The following CSMD1 variants were observed in gnomAD, a reference collection of about 807,000 sequenced individuals.
CSMD1 encodes CUB and sushi domain-containing protein 1.
CSMD1 carries 213 observed loss-of-function variants against 417.5 expected under a neutral mutation model. That is an observed-to-expected ratio of 0.51 (90% CI 0.46 to 0.57). CSMD1 has a LOEUF of 0.57. CSMD1 is among the 20% of genes least tolerant of loss of function. The pLI, the probability that CSMD1 is intolerant of heterozygous loss-of-function variation, is 0.00. For synonymous variants in CSMD1, 2,862 were observed against 1,736.8 expected, an observed-to-expected ratio of 1.65 and a Z score of -16.11; for missense variants, 6,923 against 4,529.7, an observed-to-expected ratio of 1.53 and a Z score of -15.17.
chr8:4,453,462 G>A (rs899667347), intron 2 of CSMD1, among the ~76,000 whole-genome samples: 2 of 152,184 alleles, frequency 1.3e-5, no homozygotes, highest in Non-Finnish European at 2.9e-5. Context: ...AGCAAGAACG[G>A]TGATGCGAAG....
intron 2 of CSMD1, among the ~76,000 whole-genome samples, chr8:4,571,958 G>C (rs752353008): frequency 6.6e-6 from 1 of 152,008 alleles, no homozygotes; most frequent in African/African-American, 2.4e-5. Flanking sequence ...CTTATTTTTT[G>C]CTTTCCATTT....
chr8:4,291,324 T>C (rs1379755041), intron 3 of CSMD1, among the ~76,000 whole-genome samples: 1 of 152,146 alleles, frequency 6.6e-6, no homozygotes, highest in African/African-American at 2.4e-5. Context: ...ATAATGATCA[T>C]AATACTTTCC....
At chr8:3,700,087 G>A (rs374258203) in intron 7 of CSMD1, among the ~76,000 whole-genome samples, 1 of 152,064 alleles carries the variant, frequency 6.6e-6, no homozygotes, top group Admixed American at 6.6e-5. Context: ...ATGATACAAA[G>A]GGCTCTGTGG....
chr8:4,418,118 AC>A (rs1479925350), intron 3 of CSMD1, among the ~76,000 whole-genome samples: 6 of 151,998 alleles, frequency 3.9e-5, no homozygotes, highest in Non-Finnish European at 5.9e-5. Context: ...CCAACAAAGC[AC>A]CTTTTTGACA....
At chr8:2,992,751 A>G (rs1806508214) in intron 54 of CSMD1, among the ~76,000 whole-genome samples, 1 of 149,394 alleles carries the variant, frequency 6.7e-6, no homozygotes, top group Non-Finnish European at 1.5e-5. Flanking sequence ...ATGCCATCTG[A>G]TTTTCTTTTG....
chr8:4,508,885 C>G (rs1802675147), intron 2 of CSMD1, among the ~76,000 whole-genome samples: 1 of 151,806 alleles, frequency 6.6e-6, no homozygotes, highest in Non-Finnish European at 1.5e-5. Context: ...GCATTTCTTC[C>G]TAGAGGAAAA....
chr8:4,435,746 G>A (rs890690022), intron 2 of CSMD1, among the ~76,000 whole-genome samples: 1 of 152,100 alleles, frequency 6.6e-6, no homozygotes, highest in Non-Finnish European at 1.5e-5. Context: ...TTGGCCATGT[G>A]GCTACAATAA....
At chr8:3,934,345 G>T (rs552526235) in intron 5 of CSMD1, among the ~76,000 whole-genome samples, 1 of 152,134 alleles carries the variant, frequency 6.6e-6, no homozygotes, top group South Asian at 2.1e-4. Context: ...CGTACAAAAA[G>T]AGGAGAAAAA....
At chr8:4,239,908 A>C (rs1802289113) in intron 3 of CSMD1, among the ~76,000 whole-genome samples, 2 of 152,232 alleles carry the variant, frequency 1.3e-5, no homozygotes, top group South Asian at 4.1e-4. Flanking sequence ...TTGCATAAGT[A>C]AAATAGAGTT....
chr8:4,811,942 G>C, intron 1 of CSMD1, among the ~76,000 whole-genome samples: 1 of 152,036 alleles, frequency 6.6e-6, no homozygotes, highest in East Asian at 1.9e-4. Context: ...AGGCGCATTA[G>C]AATAAGTCAT....
At chr8:3,056,540 T>G (rs926661100) in intron 49 of CSMD1, among the ~76,000 whole-genome samples, 3 of 151,960 alleles carry the variant, frequency 2.0e-5, no homozygotes, top group African/African-American at 7.3e-5. Context: ...GGCTATTTTT[T>G]GTATTTTTTT....
chr8:4,850,762 C>G (rs1239721220), intron 1 of CSMD1, among the ~76,000 whole-genome samples: 2 of 152,022 alleles, frequency 1.3e-5, no homozygotes, highest in Non-Finnish European at 2.9e-5. Flanking sequence ...AATTTTCTTT[C>G]AACCCCAAAC....
chr8:3,460,210 C>A (rs539207495), intron 12 of CSMD1, among the ~76,000 whole-genome samples: 1 of 151,898 alleles, frequency 6.6e-6, no homozygotes, highest in African/African-American at 2.4e-5. Context: ...TGAGATGAGA[C>A]GGGAAGATCA....
At chr8:4,210,371 A>C (rs1315183511) in intron 3 of CSMD1, among the ~76,000 whole-genome samples, 1 of 152,210 alleles carries the variant, frequency 6.6e-6, no homozygotes, top group African/African-American at 2.4e-5. Flanking sequence ...GAGACATTCA[A>C]ATCCAACTTT....
intron 12 of CSMD1, among the ~76,000 whole-genome samples, chr8:3,442,388 C>T (rs1815041154): frequency 6.6e-6 from 1 of 152,190 alleles, no homozygotes; most frequent in Non-Finnish European, 1.5e-5. Context: ...AGAACAACTT[C>T]CCATCCTGCA....
chr8:3,593,742 T>C (rs1257224417), intron 8 of CSMD1, among the ~76,000 whole-genome samples: 1 of 152,216 alleles, frequency 6.6e-6, no homozygotes, highest in Non-Finnish European at 1.5e-5. Flanking sequence ...TTCAACTTCA[T>C]ATATCCATTT....
rs575209327 is a variant in CSMD1 at position 4,041,724 on chromosome 8, G to C, written c.416-9625C>G. 3.9e-5 allele frequency among the ~76,000 whole-genome samples: 6 copies of C among 152,194 alleles called. No individual in the cohort carries two copies. In the East Asian group the frequency reaches 1.2e-3, roughly 29 times the overall value. Reference sequence around the variant, plus strand: ...AACACCAACATTAAAACTGTTATTAGAACTGTATGCCCTGTTCTCAGTCAG... The same window carrying C: ...AACACCAACATTAAAACTGTTATTACAACTGTATGCCCTGTTCTCAGTCAG... On this transcript the variant is annotated intron_variant, in intron 3 of 69. Coordinates refer to ENST00000635120, the MANE Select transcript of CSMD1 (RefSeq NM_033225.6).
At chr8:4,043,584 G>A (rs1798001432) in intron 3 of CSMD1, among the ~76,000 whole-genome samples, 1 of 152,166 alleles carries the variant, frequency 6.6e-6, no homozygotes, top group Non-Finnish European at 1.5e-5. Flanking sequence ...CGCCTTGAGG[G>A]GGAAATCAAT....
chr8:3,688,345 A>G (rs1238318973), intron 7 of CSMD1, among the ~76,000 whole-genome samples: 3 of 152,202 alleles, frequency 2.0e-5, no homozygotes, highest in Non-Finnish European at 4.4e-5. Flanking sequence ...GCCAGTAGAA[A>G]GTTTAATCAT....
Sources: gnomAD v4.1 joint callset for allele counts (sites outside exome capture counted in the v4.1 genomes callset) on GRCh38, gnomAD v4.1.1 for gene constraint, MANE v1.5 for transcripts, NCBI Gene and HGNC (gene_info 2026-07-23, HGNC 2026-07-21) for gene names.